ADAMTSL3: variants seen among roughly 807,000 people sequenced by gnomAD.
ADAMTSL3 encodes the protein ADAMTS-like protein 3.
A neutral mutation model predicts 201.7 loss-of-function variants in ADAMTSL3; 128 were observed. The observed-to-expected ratio is 0.63, with a 90% CI of 0.55 to 0.73. The LOEUF (loss-of-function observed/expected upper bound fraction) is 0.73, where lower values mean the gene tolerates loss of function less well. Among genes scored for constraint, ADAMTSL3 ranks in the 30% least tolerant of loss-of-function variants. The probability of loss-of-function intolerance (pLI) is 0.00; values close to 1 mark genes in which losing one functional copy is unlikely to be tolerated. For synonymous variants in ADAMTSL3, 738 were observed against 748.4 expected, an observed-to-expected ratio of 0.99 and a Z score of 0.23; for missense variants, 1,990 against 2,119.6, an observed-to-expected ratio of 0.94 and a Z score of 1.20.
chr15:83,731,122 A>G (rs1195064313), intron 3 of ADAMTSL3, among the ~76,000 whole-genome samples: 1 of 152,010 alleles, frequency 6.6e-6, no homozygotes, highest in African/African-American at 2.4e-5. Flanking sequence ...CTTTGGTTTC[A>G]TTGGTTTATG....
chr15:83,768,934 A>G (rs2062933927), intron 3 of ADAMTSL3, among the ~76,000 whole-genome samples: 1 of 152,204 alleles, frequency 6.6e-6, no homozygotes, highest in African/African-American at 2.4e-5. Flanking sequence ...ACAAAATCCA[A>G]GCGTCTTCCT....
chr15:83,776,365 A>G (rs1026492757), intron 4 of ADAMTSL3, among the ~76,000 whole-genome samples: 6 of 152,338 alleles, frequency 3.9e-5, no homozygotes, highest in South Asian at 2.1e-4. Flanking sequence ...CCTGCCTTCA[A>G]GGTTCTTATA....
chr15:83,848,611 T>C (rs965973987), intron 7 of ADAMTSL3, among the ~76,000 whole-genome samples: 5 of 152,208 alleles, frequency 3.3e-5, no homozygotes, highest in African/African-American at 1.2e-4. Context: ...TTATACAGCA[T>C]CACTTGGTCT....
Position 83,983,268 on chromosome 15 carries a change from CTG to C in ADAMTSL3, c.3645_3646del (p.Cys1215Ter). On this transcript the variant is annotated frameshift_variant, in exon 21 of 30. Transcript: ENST00000286744. LOFTEE classifies it high-confidence loss of function. Reference sequence around the variant, plus strand: ...AAAAAGGACAGAGGTCATCAATATACTGTGTGACCTTATTACCCCCAGTGAGG... The same window carrying C: ...AAAAAGGACAGAGGTCATCAATATACTGTGACCTTATTACCCCCAGTGAGG... ...ITKRTEVINI[L>X]CDLITPSEAT... 1 of 1,609,468 alleles carries C rather than the reference CTG, an allele frequency of 6.2e-7. No homozygotes were observed. The highest frequency in any genetic ancestry group is 8.5e-7 in the Non-Finnish European group (1 of 1,177,810).
In ADAMTSL3 at chr15:84,037,840, T is replaced by C. The variant is rs1387014999; in HGVS notation, c.*34T>C. On this transcript the variant is annotated 3_prime_UTR_variant, in exon 30 of 30. Transcript: ENST00000286744. ...AGGGGTCATGATGCTGCTGTGAAGA[T>C]AAAAGTAGAATATAAAAGCTCTTTT... 2 of 1,581,140 alleles carry C rather than the reference T, an allele frequency of 1.3e-6. No homozygotes were observed. Among genetic ancestry groups the C allele is most frequent in the Non-Finnish European group, 1.7e-6 (2 of 1,171,268 alleles).
chr15:83,663,047 G>A (rs576811070), intron 2 of ADAMTSL3, among the ~76,000 whole-genome samples: 4 of 152,250 alleles, frequency 2.6e-5, no homozygotes, highest in African/African-American at 9.6e-5. Flanking sequence ...CTTATTGGAT[G>A]GAGTGTAGGC....
intron 10 of ADAMTSL3, among the ~76,000 whole-genome samples, chr15:83,887,839 C>G (rs1468858701): frequency 6.6e-6 from 1 of 152,264 alleles, no homozygotes; most frequent in Non-Finnish European, 1.5e-5. Context: ...CATCCTCCCA[C>G]TCCAGCCTCT....
intron 9 of ADAMTSL3, among the ~76,000 whole-genome samples, chr15:83,877,015 A>C (rs966566426): frequency 1.3e-5 from 2 of 152,128 alleles, no homozygotes; most frequent in Non-Finnish European, 2.9e-5. Flanking sequence ...GCTGGTCTTG[A>C]ACTCCTGACC....
At chr15:83,833,334 C>T (rs2064194588) in intron 6 of ADAMTSL3, among the ~76,000 whole-genome samples, 1 of 152,136 alleles carries the variant, frequency 6.6e-6, no homozygotes, top group South Asian at 2.1e-4. Flanking sequence ...CTCCCTGCCT[C>T]CTGGTTCATA....
Position 83,858,640 on chromosome 15 carries a change from T to C in ADAMTSL3, c.728-126T>C, listed in dbSNP as rs943659162. The C allele has an allele frequency of 1.4e-5, 10 of 707,672 alleles. No individual in the cohort carries two copies. In the African/African-American group the frequency reaches 1.7e-4, roughly 12 times the overall value. 43.8% of individuals were successfully genotyped at this position (707,672 alleles called of 1,614,324 possible). On this transcript the variant is annotated intron_variant, in intron 7 of 29. Coordinates refer to ENST00000286744, the MANE Select transcript of ADAMTSL3 (RefSeq NM_207517.3). ...TGCCTGCCTTGGCCTCCTGAAGTGC[T>C]AGGATTACAGAAATGAAATATAGTT...
Position 83,952,264 on chromosome 15 carries a change from C to T in ADAMTSL3, c.2490+9182C>T, listed in dbSNP as rs569197771. ...TAAATTCCGTGTATTTGTACATTTT[C>T]CAAAATTTCTCTTGTTATTGATTTC... On this transcript the variant is annotated intron_variant, in intron 19 of 29. Coordinates refer to ENST00000286744, the MANE Select transcript of ADAMTSL3 (RefSeq NM_207517.3). Among the ~76,000 whole-genome samples the T allele has an allele frequency of 3.9e-5, 6 of 152,182 alleles. No individual in the cohort carries two copies. The East Asian group carries it at 1.2e-3, about 29-fold the overall frequency.
intron 3 of ADAMTSL3, among the ~76,000 whole-genome samples, chr15:83,752,968 C>A (rs1312002818): frequency 6.6e-6 from 1 of 152,212 alleles, no homozygotes; most frequent in Non-Finnish European, 1.5e-5. Context: ...GCTGAGGAGT[C>A]ATTGTCCTTC....
At chr15:83,816,500 G>A (rs1398445368) in intron 5 of ADAMTSL3, among the ~76,000 whole-genome samples, 1 of 152,166 alleles carries the variant, frequency 6.6e-6, no homozygotes, top group African/African-American at 2.4e-5. Context: ...TTAGCTAGCC[G>A]GCACATTCAG....
chr15:83,837,656 GT>G (rs1261549611), intron 6 of ADAMTSL3, among the ~76,000 whole-genome samples: 1 of 151,838 alleles, frequency 6.6e-6, no homozygotes, highest in Non-Finnish European at 1.5e-5. Flanking sequence ...GCACAGGCCT[GT>G]GACTCAACCT....
chr15:84,015,125 T>C (rs2068068366), intron 24 of ADAMTSL3, among the ~76,000 whole-genome samples: 1 of 152,124 alleles, frequency 6.6e-6, no homozygotes, highest in South Asian at 2.1e-4. Flanking sequence ...TTTGTATTTT[T>C]AGTAGAGATG....
chr15:83,674,768 T>TATATAC (rs57180962), intron 2 of ADAMTSL3, among the ~76,000 whole-genome samples: 1 of 110,448 alleles, frequency 9.1e-6, no homozygotes, highest in Non-Finnish European at 1.7e-5. Context: ...CATATATACA[T>TATATAC]ATATATATAT....
At chr15:83,687,042 A>ACAAACAAG (rs2061546261) in intron 2 of ADAMTSL3, among the ~76,000 whole-genome samples, 1 of 151,622 alleles carries the variant, frequency 6.6e-6, no homozygotes, top group Non-Finnish European at 1.5e-5. Flanking sequence ...AAACAAACAA[A>ACAAACAAG]CAAACAAACA....
In ADAMTSL3 at chr15:84,032,378, C is replaced by T. The variant is rs184139892; in HGVS notation, c.4754+946C>T. On this transcript the variant is annotated intron_variant, in intron 28 of 29. Coordinates refer to ENST00000286744, the MANE Select transcript of ADAMTSL3 (RefSeq NM_207517.3). ...AGGTTTGGCAATGTAGGGTCAGTTG[C>T]ATTTCCTATTCCCCACAAAGTGATT... 2.0e-5 allele frequency among the ~76,000 whole-genome samples: 3 copies of T among 152,266 alleles called. No homozygotes were observed. In the East Asian group the frequency reaches 5.8e-4, roughly 29 times the overall value.
chr15:83,903,198 G>A (rs1395000971), intron 15 of ADAMTSL3, among the ~76,000 whole-genome samples: 1 of 150,700 alleles, frequency 6.6e-6, no homozygotes, highest in Admixed American at 6.6e-5. Context: ...CTGTAGGAGT[G>A]GGGCTCCATC....
Sources: allele counts gnomAD v4.1 joint callset (sites outside exome capture counted in the v4.1 genomes callset), GRCh38; gene constraint gnomAD v4.1.1; transcripts MANE v1.5; gene names NCBI Gene and HGNC (gene_info 2026-07-23, HGNC 2026-07-21).